SLC71A2: variants seen among roughly 807,000 people sequenced by gnomAD.
The protein encoded by SLC71A2 is hippocampus abundant transcript-like 1.
chr9:94,392,107 TAG>T, the SLC71A2 span, among the ~76,000 whole-genome samples: 1 of 151,142 alleles, frequency 6.6e-6, no homozygotes, highest in Non-Finnish European at 1.5e-5. Context: ...ATGTTGGAGG[TAG>T]AGACACTGGT....
the SLC71A2 span, among the ~76,000 whole-genome samples, chr9:94,457,072 T>C: frequency 7.3e-5 from 11 of 151,586 alleles, no homozygotes; most frequent in Non-Finnish European, 1.3e-4. Context: ...GCTCAAGTGA[T>C]CTCCCAGTCA....
At chr9:94,425,493 G>A in the SLC71A2 span, among the ~76,000 whole-genome samples, 1 of 152,178 alleles carries the variant, frequency 6.6e-6, no homozygotes, top group Non-Finnish European at 1.5e-5. Flanking sequence ...AATTGGTCAT[G>A]GATGAAATCA....
chr9:94,389,439 T>TAG, the SLC71A2 span, among the ~76,000 whole-genome samples: 1 of 151,164 alleles, frequency 6.6e-6, no homozygotes, highest in Non-Finnish European at 1.5e-5. Flanking sequence ...CTAATTTTTG[T>TAG]ATATATATAT....
chr9:94,387,818 TC>T, the SLC71A2 span, among the ~76,000 whole-genome samples: 1 of 152,230 alleles, frequency 6.6e-6, no homozygotes, highest in South Asian at 2.1e-4. Flanking sequence ...ATGTAGTCAC[TC>T]CGTGCCTAAA....
chr9:94,422,451 A>G, the SLC71A2 span, among the ~76,000 whole-genome samples: 1 of 152,232 alleles, frequency 6.6e-6, no homozygotes, highest in Admixed American at 6.5e-5. Context: ...GTTTTTGCCT[A>G]TTACAAATAT....
the SLC71A2 span, among the ~76,000 whole-genome samples, chr9:94,452,601 AAGAG>A: frequency 5.5e-5 from 8 of 145,104 alleles, no homozygotes; most frequent in Admixed American, 4.2e-4. Flanking sequence ...CATCTCAAAA[AAGAG>A]AGAGGGAGAA....
the SLC71A2 span, chr9:94,451,402 CTTA>C: frequency 6.9e-6 from 6 of 868,966 alleles, no homozygotes; most frequent in Admixed American, 9.8e-5. Context: ...CATAATATTT[CTTA>C]TTATTTTATA....
chr9:94,443,201 G>A, the SLC71A2 span, among the ~76,000 whole-genome samples: 1 of 152,180 alleles, frequency 6.6e-6, no homozygotes, highest in South Asian at 2.1e-4. Flanking sequence ...ATGGCAGTTA[G>A]GGTTAATATC....
the SLC71A2 span, among the ~76,000 whole-genome samples, chr9:94,456,605 A>T: frequency 2.9e-5 from 4 of 135,836 alleles, no homozygotes; most frequent in African/African-American, 1.0e-4. Context: ...CAGTTTTGAT[A>T]CATCTTTTCT....
chr9:94,396,667 T>G, the SLC71A2 span, among the ~76,000 whole-genome samples: 2 of 152,292 alleles, frequency 1.3e-5, no homozygotes, highest in East Asian at 1.9e-4. Context: ...ACAGACAATA[T>G]GTAAATGAAC....
the SLC71A2 span, among the ~76,000 whole-genome samples, chr9:94,415,584 G>A: frequency 1.3e-5 from 2 of 152,044 alleles, no homozygotes; most frequent in Non-Finnish European, 2.9e-5. Context: ...GACTGGTTTC[G>A]TGGAAGACAA....
chr9:94,396,235 G>A, the SLC71A2 span, among the ~76,000 whole-genome samples: 1 of 150,018 alleles, frequency 6.7e-6, no homozygotes, highest in African/African-American at 2.5e-5. Flanking sequence ...TGGAGTTGGC[G>A]CCAGGCGCAG....
the SLC71A2 span, chr9:94,374,797 G>C: frequency 3.1e-6 from 2 of 642,454 alleles, no homozygotes; most frequent in Non-Finnish European, 4.2e-6. Context: ...AGCGCCCCGG[G>C]CTGGCGCGGG....
At chr9:94,456,167 A>T in the SLC71A2 span, 2 of 994,104 alleles carry the variant, frequency 2.0e-6, no homozygotes, top group Non-Finnish European at 1.5e-6. Flanking sequence ...TACTTTTGCC[A>T]CTGATTGCAT....
At chr9:94,459,448 C>T in the SLC71A2 span, 1 of 1,609,154 alleles carries the variant, frequency 6.2e-7, no homozygotes, top group South Asian at 1.1e-5. Context: ...TACGCCATCT[C>T]TGAGAGCCAT....
At chr9:94,407,598 C>T in the SLC71A2 span, among the ~76,000 whole-genome samples, 13 of 152,024 alleles carry the variant, frequency 8.6e-5, no homozygotes, top group African/African-American at 2.7e-4. Context: ...AGGCTGGTGT[C>T]GAACTCTTGA....
the SLC71A2 span, among the ~76,000 whole-genome samples, chr9:94,448,113 T>G: frequency 6.6e-6 from 1 of 152,196 alleles, no homozygotes; most frequent in African/African-American, 2.4e-5. Flanking sequence ...GTTTTAATCT[T>G]TAATAATATT....
the SLC71A2 span, chr9:94,459,705 G>A: frequency 3.1e-6 from 1 of 320,900 alleles, no homozygotes; most frequent in South Asian, 4.6e-5. Context: ...TCATCTCTCT[G>A]GTAGAAAGGA....
chr9:94,391,197 C>CAAA, the SLC71A2 span, among the ~76,000 whole-genome samples: 16 of 59,022 alleles, frequency 2.7e-4, no homozygotes, highest in Non-Finnish European at 4.2e-4. Context: ...ATGTCTCTAC[C>CAAA]AAAAAAAAAA....
Sources: allele counts gnomAD v4.1 joint callset (sites outside exome capture counted in the v4.1 genomes callset), GRCh38; gene constraint gnomAD v4.1.1; transcripts MANE v1.5; gene names NCBI Gene and HGNC (gene_info 2026-07-23, HGNC 2026-07-21).